FCHO1: variants seen among roughly 807,000 people sequenced by gnomAD.
FCHO1 encodes F-BAR domain only protein 1.
A neutral mutation model predicts 114.4 loss-of-function variants in FCHO1; 45 were observed. The ratio of observed to expected loss-of-function variants is 0.39; its 90% CI spans 0.31 to 0.50. The LOEUF is 0.50. FCHO1 is among the 20% of genes least tolerant of loss of function. The pLI, the probability that FCHO1 is intolerant of heterozygous loss-of-function variation, is 0.77. For synonymous variants in FCHO1, 480 were observed against 488.9 expected (o/e 0.98, Z 0.24); for missense variants, 1,042 against 1,209.6 (o/e 0.86, Z 2.06).
intron 4 of FCHO1, among the ~76,000 whole-genome samples, chr19:17,762,491 CAGA>C (rs2086708568): frequency 1.3e-5 from 2 of 152,136 alleles, no homozygotes; most frequent in South Asian, 4.2e-4. Flanking sequence ...GACACAAAGA[CAGA>C]AGGAGACAAA....
chr19:17,774,275 T>C lies in FCHO1; in HGVS notation c.827T>C (p.Leu276Pro). The change falls in exon 12 of 29, where the codon CTG becomes CCG. Residue 276 changes from leucine to proline, a missense_variant. Coordinates refer to ENST00000596536, the MANE Select transcript of FCHO1 (RefSeq NM_015122.3). ...LDFEAYSAAA[L>P]QEAMKRLRGA... ...TTCGAGGCATACAGTGCGGCTGCCC[T>C]GCAGGAAGGCAAGTACGTCTGGGCC... 1 of 1,614,146 alleles carries C rather than the reference T, an allele frequency of 6.2e-7. No homozygotes were observed. The highest frequency in any genetic ancestry group is 8.5e-7 in the Non-Finnish European group (1 of 1,180,028).
chr19:17,748,034 C>G (rs2080970185), upstream of FCHO1, among the ~76,000 whole-genome samples: 1 of 152,206 alleles, frequency 6.6e-6, no homozygotes, highest in African/African-American at 2.4e-5. Flanking sequence ...CCCCAAATCC[C>G]CCGTCTCCTG....
At chr19:17,785,358 T>C (rs1438105552) in intron 26 of FCHO1, among the ~76,000 whole-genome samples, 1 of 152,106 alleles carries the variant, frequency 6.6e-6, no homozygotes, top group Non-Finnish European at 1.5e-5. Context: ...ATAGCTGGGA[T>C]TACAGGTGCC....
At chr19:17,752,764 A>G (rs2082319698) in intron 1 of FCHO1, among the ~76,000 whole-genome samples, 1 of 151,782 alleles carries the variant, frequency 6.6e-6, no homozygotes, top group African/African-American at 2.4e-5. Context: ...TTTATTTTTA[A>G]TTAGTTAGAC....
rs887073059 is a variant in FCHO1, at chr19:17,784,254, G to C, written c.2226+19G>C. The C allele has an allele frequency of 1.3e-6, 2 of 1,580,790 alleles. No individual in the cohort carries two copies. Among genetic ancestry groups the C allele is most frequent in the African/African-American group, 2.7e-5 (2 of 74,072 alleles). Reference sequence around the variant, plus strand: ...ATACCAGGTGCGCCACCCGCATGGGGCCGGGAGGAGGTGGTGGAGTGGGGG... The same window carrying C: ...ATACCAGGTGCGCCACCCGCATGGGCCCGGGAGGAGGTGGTGGAGTGGGGG... On this transcript the variant is annotated intron_variant, in intron 25 of 28. Coordinates refer to ENST00000596536, the MANE Select transcript of FCHO1 (RefSeq NM_015122.3). This position sits in a 1 kb window ranked among gnomAD's most constrained non-coding sequence, Gnocchi z 5.3.
rs148568413 is a variant in FCHO1 at position 17,770,796 on chromosome 19, A to G, written c.494A>G (p.Glu165Gly). ...STSQKEMDKA[E>G]TKTKKAAESL... ...TTTCCTCCCTGTGCTTTGTAGGCGG[A>G]GACTAAAACCAAGAAGGCGGCAGAG... The change falls in exon 9 of 29, where the codon GAG becomes GGG. Residue 165 changes from glutamate (E) to glycine (G), a missense_variant. Around this residue, in one of 3 missense-constraint regions of FCHO1, gnomAD observed 450 missense variants for 564.1 expected, o/e 0.80. Coordinates refer to ENST00000596536, the MANE Select transcript of FCHO1 (RefSeq NM_015122.3). 4.8e-4 allele frequency: 780 copies of G among 1,614,028 alleles called. 2 individuals are homozygous for G. The highest frequency in any genetic ancestry group is 1.3e-3 in the South Asian group (122 of 91,078).
chr19:17,774,161 AG>A, intron 11 of FCHO1, 77 bp from the exon 12 acceptor site: 1 of 1,379,486 alleles, frequency 7.2e-7, no homozygotes, highest in East Asian at 2.3e-5. Flanking sequence ...CGCCCGCCTT[AG>A]CCTCCCAAAG....
chr19:17,767,582 A>AC (rs924695534), intron 7 of FCHO1, among the ~76,000 whole-genome samples: 1 of 151,580 alleles, frequency 6.6e-6, no homozygotes, highest in African/African-American at 2.4e-5. Context: ...AAAAAAAAAA[A>AC]ACAAGAGAGA....
chr19:17,761,902 G>A (rs1032268039), intron 4 of FCHO1, among the ~76,000 whole-genome samples: 74 of 150,638 alleles, frequency 4.9e-4, no homozygotes, highest in African/African-American at 1.5e-3. Flanking sequence ...CTCATGGTCC[G>A]CCCGCCTCAG....
intron 9 of FCHO1, 46 bp from the exon 10 acceptor site, chr19:17,772,411 C>G: frequency 6.9e-7 from 1 of 1,452,810 alleles, no homozygotes. Flanking sequence ...GCCACTTCTT[C>G]TTGGCCCTGA....
intron 24 of FCHO1, 100 bp downstream of exon 24, chr19:17,783,272 T>TA: frequency 4.5e-6 from 4 of 896,628 alleles, no homozygotes; most frequent in Non-Finnish European, 6.3e-6. Context: ...TTTTCTTTTC[T>TA]TTTTTTTTTG....
intron 23 of FCHO1, 55 bp from the exon 24 acceptor site, chr19:17,782,962 G>T: frequency 6.3e-7 from 1 of 1,588,884 alleles, no homozygotes; most frequent in Non-Finnish European, 8.6e-7. Context: ...GAAGGGGAAG[G>T]ATGAGGCACC....
chr19:17,785,202 T>C (rs976881856), intron 26 of FCHO1, among the ~76,000 whole-genome samples: 2 of 151,980 alleles, frequency 1.3e-5, no homozygotes, highest in African/African-American at 4.8e-5. Flanking sequence ...AAAAAATATT[T>C]TGTTTATTTA....
chr19:17,765,251 C>G (rs2088398444), intron 6 of FCHO1, among the ~76,000 whole-genome samples: 1 of 152,082 alleles, frequency 6.6e-6, no homozygotes, highest in African/African-American at 2.4e-5. Flanking sequence ...CCTGAGTTGA[C>G]AGGCGTGGCA....
chr19:17,755,354 C>T, intron 4 of FCHO1, 163 bp downstream of exon 4: 2 of 650,808 alleles, frequency 3.1e-6, no homozygotes, highest in Non-Finnish European at 5.4e-6. Flanking sequence ...TGAATCCACA[C>T]CCACCCCAGA....
At chr19:17,785,686 A>G (rs1317603502) in intron 26 of FCHO1, among the ~76,000 whole-genome samples, 1 of 151,816 alleles carries the variant, frequency 6.6e-6, no homozygotes, top group East Asian at 1.9e-4. Context: ...ACAAAAAAAA[A>G]ATCCGGGCAT....
chr19:17,757,935 A>AAT (rs1334669399), intron 4 of FCHO1, among the ~76,000 whole-genome samples: 1 of 141,732 alleles, frequency 7.1e-6, no homozygotes, highest in Non-Finnish European at 1.6e-5. Context: ...AAAAAAAAAA[A>AAT]GCCGGGTGCG....
rs1019022681 is a variant in FCHO1, at chr19:17,762,814, C to G, written c.80C>G (p.Pro27Arg). ...CTGTACCACAGCGTGAAGCAGGGGC[C>G]CATCTCCACCAAGGAGCTGGCGGAC... The part of the protein sequence containing the change: ...EVLYHSVKQG[P>R]ISTKELADFI... Residue 27 changes from proline (P) to arginine (R), a missense_variant, in exon 5 of 29, where the codon CCC becomes CGC. Pro to Arg is a moderately radical substitution (Grantham distance 103, BLOSUM62 -2). Around this residue, in one of 3 missense-constraint regions of FCHO1, gnomAD observed 450 missense variants for 564.1 expected, o/e 0.80. Transcript: ENST00000596536. The G allele has an allele frequency of 6.2e-7, 1 of 1,613,892 alleles. No homozygotes were observed. Among genetic ancestry groups the G allele is most frequent in the Non-Finnish European group, 8.5e-7 (1 of 1,179,956 alleles).
At position 17,784,218 on chromosome 19, in the gene FCHO1, G is replaced by A. The variant is rs758273980; in HGVS notation, c.2209G>A (p.Val737Met). 6.2e-7 allele frequency: 1 copy of A among 1,610,184 alleles called. No homozygotes were observed. Among genetic ancestry groups the A allele is most frequent in the South Asian group, 1.1e-5 (1 of 90,632 alleles). The stretch of plus-strand genomic sequence containing the variant: ...CCCCACTGCCTCCTACTACAACGTG[G>A]TGCTGCTGCGATACCAGGTGCGCCA... The part of the protein sequence containing the change: ...QNPTASYYNV[V>M]LLRYQFSRPG... Residue 737 changes from valine to methionine, a missense_variant, in exon 25 of 29, where the codon GTG (valine) becomes ATG (methionine). Coordinates refer to ENST00000596536, the MANE Select transcript of FCHO1 (RefSeq NM_015122.3). This position sits in a 1 kb window ranked among gnomAD's most constrained non-coding sequence, Gnocchi z 5.3.
Sources: allele counts gnomAD v4.1 joint callset (sites outside exome capture counted in the v4.1 genomes callset), GRCh38; gene constraint gnomAD v4.1.1; regional missense constraint gnomAD v4.1.1; non-coding constraint Gnocchi (gnomAD v3.1); transcripts MANE v1.5; gene names NCBI Gene and HGNC (gene_info 2026-07-23, HGNC 2026-07-21).